The following PABPC4L variants were observed in gnomAD, a reference collection of about 807,000 sequenced individuals.
PABPC4L encodes polyadenylate-binding protein 4-like.
For synonymous variants in PABPC4L, 169 were observed against 164.1 expected, an observed-to-expected ratio of 1.03 and a Z score of -0.23; for missense variants, 452 against 451.4, an observed-to-expected ratio of 1.00 and a Z score of -0.01.
At chr4:134,193,378 C>A (rs1385907750), downstream of PABPC4L, among the ~76,000 whole-genome samples, 2 of 151,756 alleles carry the variant, frequency 1.3e-5, no homozygotes, top group African/African-American at 4.8e-5. Context: ...TGAGCTATTA[C>A]TTAAAATAAT....
rs1222800347 is a variant in PABPC4L at position 134,196,352 on chromosome 4, G to C, written c.*3555C>G. 1 of 151,400 alleles carries C rather than the reference G, an allele frequency of 6.6e-6. No individual in the cohort carries two copies. Among genetic ancestry groups the C allele is most frequent in the African/African-American group, 2.4e-5 (1 of 41,330 alleles). 9.4% of individuals were successfully genotyped at this position (151,400 alleles called of 1,614,324 possible). On this transcript the variant is annotated 3_prime_UTR_variant, in exon 2 of 2. Coordinates refer to ENST00000421491, the MANE Select transcript of PABPC4L (RefSeq NM_001114734.2). ...ACATGCTTTCACCTTTGAAATATTAGATTTTATTTGACATTTTCTCAGTGG... is the reference window on the plus strand; with the variant it reads ...ACATGCTTTCACCTTTGAAATATTACATTTTATTTGACATTTTCTCAGTGG...
chr4:134,192,321 C>A (rs1198053514), downstream of PABPC4L, among the ~76,000 whole-genome samples: 1 of 151,816 alleles, frequency 6.6e-6, no homozygotes. Flanking sequence ...ATGAAAGGTC[C>A]AGAATATACA....
At chr4:134,119,608 A>T in the PABPC4L span, among the ~76,000 whole-genome samples, 1 of 151,702 alleles carries the variant, frequency 6.6e-6, no homozygotes, top group Non-Finnish European at 1.5e-5. Flanking sequence ...AGAAAAGTAC[A>T]CAAATCTTAC....
the PABPC4L span, among the ~76,000 whole-genome samples, chr4:134,181,403 T>C: frequency 4.6e-5 from 7 of 151,808 alleles, no homozygotes; most frequent in African/African-American, 1.7e-4. Flanking sequence ...GATAAACCCA[T>C]TGCTAACATC....
the PABPC4L span, among the ~76,000 whole-genome samples, chr4:134,133,565 G>A: frequency 1.3e-5 from 2 of 151,036 alleles, no homozygotes; most frequent in African/African-American, 4.9e-5. Context: ...GTTATTTTAA[G>A]CAAAGTACCT....
the PABPC4L span, among the ~76,000 whole-genome samples, chr4:133,954,525 G>C: frequency 2.0e-5 from 3 of 151,922 alleles, no homozygotes; most frequent in African/African-American, 7.3e-5. Flanking sequence ...CTTTGTCGGT[G>C]GTTTAAGGGC....
At chr4:134,060,887 A>C in the PABPC4L span, among the ~76,000 whole-genome samples, 1 of 151,990 alleles carries the variant, frequency 6.6e-6, no homozygotes, top group African/African-American at 2.4e-5. Context: ...GAACTCATGA[A>C]GATAGAGAGT....
the PABPC4L span, among the ~76,000 whole-genome samples, chr4:134,079,707 G>C: frequency 6.6e-6 from 1 of 151,368 alleles, no homozygotes; most frequent in Admixed American, 6.6e-5. Context: ...GAGAGAGAGA[G>C]AGAGAGAAAG....
At chr4:133,951,913 T>A in the PABPC4L span, among the ~76,000 whole-genome samples, 3 of 152,210 alleles carry the variant, frequency 2.0e-5, no homozygotes, top group Admixed American at 6.5e-5. Flanking sequence ...TCTCTCTTTG[T>A]CTTAGGCAAG....
the PABPC4L span, among the ~76,000 whole-genome samples, chr4:134,048,137 T>A: frequency 8.5e-5 from 13 of 152,210 alleles, no homozygotes; most frequent in African/African-American, 3.1e-4. Flanking sequence ...AAAATAGTAA[T>A]TTCATAAGAT....
the PABPC4L span, among the ~76,000 whole-genome samples, chr4:134,179,545 T>A: frequency 1.3e-5 from 2 of 152,044 alleles, no homozygotes; most frequent in Non-Finnish European, 2.9e-5. Context: ...CAATGGTAAC[T>A]TTGAATGTAA....
chr4:133,978,195 C>T, the PABPC4L span, among the ~76,000 whole-genome samples: 4 of 152,102 alleles, frequency 2.6e-5, no homozygotes, highest in South Asian at 2.1e-4. Context: ...GTATATGTTC[C>T]AGATAACTCA....
the PABPC4L span, among the ~76,000 whole-genome samples, chr4:134,156,835 C>T: frequency 6.6e-6 from 1 of 151,778 alleles, no homozygotes; most frequent in South Asian, 2.1e-4. Context: ...AAATTCAAAT[C>T]GTCTGAAAGT....
At chr4:133,997,514 AC>A in the PABPC4L span, among the ~76,000 whole-genome samples, 13 of 152,124 alleles carry the variant, frequency 8.5e-5, no homozygotes, top group African/African-American at 2.7e-4. Context: ...AGAAAAAAAA[AC>A]CTTTTGTATA....
the PABPC4L span, among the ~76,000 whole-genome samples, chr4:134,142,462 CAA>C: frequency 6.6e-6 from 1 of 151,516 alleles, no homozygotes; most frequent in African/African-American, 2.4e-5. Context: ...TCAAAAGTGA[CAA>C]ATGTATCCGA....
At chr4:134,024,477 A>T in the PABPC4L span, among the ~76,000 whole-genome samples, 12 of 152,234 alleles carry the variant, frequency 7.9e-5, no homozygotes, top group South Asian at 2.5e-3. Context: ...CTTTGTTTTC[A>T]CATGGCCTCT....
the PABPC4L span, among the ~76,000 whole-genome samples, chr4:134,129,527 C>T: frequency 6.6e-6 from 1 of 151,890 alleles, no homozygotes; most frequent in Non-Finnish European, 1.5e-5. Flanking sequence ...ACGACACCCC[C>T]AAACCATTCA....
chr4:134,200,982 T>C lies in PABPC4L; in HGVS notation c.38A>G (p.Tyr13Cys). The stretch of plus-strand genomic sequence containing the variant: ...GACATCTGCATGTAAGTCACCCACA[T>C]ACAGGGAGGCCATGCGGTACTTGGC... ...VAAKYRMASL[Y>C]VGDLHADVTE... Residue 13 changes from tyrosine to cysteine, a missense_variant, in exon 2 of 2, where the codon TAT becomes TGT. Physicochemically the swap from Tyr to Cys is radical, Grantham distance 194. Transcript: ENST00000421491. 1.3e-6 allele frequency: 2 copies of C among 1,552,808 alleles called. No individual in the cohort carries two copies. The highest frequency in any genetic ancestry group is 1.7e-6 in the Non-Finnish European group (2 of 1,147,586).
At chr4:134,072,748 G>A in the PABPC4L span, among the ~76,000 whole-genome samples, 5 of 152,130 alleles carry the variant, frequency 3.3e-5, no homozygotes, top group African/African-American at 4.8e-5. Context: ...TGGCTGGGGA[G>A]GCCTCAGGAG....
Sources: gnomAD v4.1 joint callset for allele counts (sites outside exome capture counted in the v4.1 genomes callset) on GRCh38, gnomAD v4.1.1 for gene constraint, MANE v1.5 for transcripts, NCBI Gene and HGNC (gene_info 2026-07-23, HGNC 2026-07-21) for gene names.